The following EIF2AK3 variants were observed in gnomAD, a reference collection of about 807,000 sequenced individuals.
The protein encoded by EIF2AK3 is eukaryotic translation initiation factor 2-alpha kinase 3.
A neutral mutation model predicts 113.5 loss-of-function variants in EIF2AK3; 50 were observed. The ratio of observed to expected loss-of-function variants is 0.44; its 90% confidence interval spans 0.35 to 0.56. The LOEUF (loss-of-function observed/expected upper bound fraction) is 0.56, where lower values mean the gene tolerates loss of function less well. EIF2AK3 is among the 20% of genes least tolerant of loss of function. EIF2AK3 has a pLI of 0.00. For synonymous variants in EIF2AK3, 448 were observed against 495.4 expected (o/e 0.90, Z 1.27); for missense variants, 1,185 against 1,378.0 (o/e 0.86, Z 2.22).
chr2:88,585,009 A>G (rs1232838576), intron 9 of EIF2AK3, among the ~76,000 whole-genome samples: 1 of 152,098 alleles, frequency 6.6e-6, no homozygotes, highest in Non-Finnish European at 1.5e-5. Context: ...CAGGTATTAG[A>G]GGTTTTTAAG....
At chr2:88,603,289 G>A (rs983836750) in intron 2 of EIF2AK3, among the ~76,000 whole-genome samples, 2 of 152,118 alleles carry the variant, frequency 1.3e-5, no homozygotes, top group East Asian at 1.9e-4. Flanking sequence ...TCTCAAAATC[G>A]CTCTCCACAA....
chr2:88,592,699 G>A (rs1045644026), intron 4 of EIF2AK3, among the ~76,000 whole-genome samples: 2 of 150,514 alleles, frequency 1.3e-5, no homozygotes, highest in Admixed American at 6.7e-5. Context: ...GGAGGCAGCT[G>A]TTGTGGTGAG....
intron 2 of EIF2AK3, among the ~76,000 whole-genome samples, chr2:88,608,672 C>T (rs1333641467): frequency 1.3e-5 from 2 of 148,564 alleles, no homozygotes; most frequent in African/African-American, 4.9e-5. Flanking sequence ...ATCCAGTTCA[C>T]AGCATTTCAA....
chr2:88,577,461 C>CTTT (rs199735400), intron 11 of EIF2AK3, among the ~76,000 whole-genome samples: 1 of 139,450 alleles, frequency 7.2e-6, no homozygotes, highest in Non-Finnish European at 1.6e-5. Flanking sequence ...TACAAGCTAT[C>CTTT]TTTTTTTTTT....
intron 14 of EIF2AK3, among the ~76,000 whole-genome samples, chr2:88,565,503 A>G (rs1190998630): frequency 1.3e-5 from 2 of 151,724 alleles, no homozygotes; most frequent in Non-Finnish European, 2.9e-5. Context: ...CACCATGCCC[A>G]GCTAATTTTT....
intron 8 of EIF2AK3, 61 bp downstream of exon 8, chr2:88,587,921 T>A: frequency 8.4e-7 from 1 of 1,189,764 alleles, no homozygotes; most frequent in Non-Finnish European, 1.2e-6. Flanking sequence ...TTTTCTTCAT[T>A]TGAATTCTAT....
At chr2:88,584,323 C>G (rs374329406) in intron 9 of EIF2AK3, among the ~76,000 whole-genome samples, 39 of 152,044 alleles carry the variant, frequency 2.6e-4, no homozygotes, top group African/African-American at 8.9e-4. Context: ...TCCAGACCAG[C>G]CTGACCAACA....
chr2:88,587,243 G>C (rs1573402892), intron 8 of EIF2AK3, among the ~76,000 whole-genome samples: 2 of 144,370 alleles, frequency 1.4e-5, no homozygotes, highest in African/African-American at 5.1e-5. Flanking sequence ...GATAAAGGCT[G>C]CTGTTTCTAG....
At chr2:88,602,751 T>C (rs1256493205) in intron 2 of EIF2AK3, among the ~76,000 whole-genome samples, 1 of 151,534 alleles carries the variant, frequency 6.6e-6, no homozygotes, top group Non-Finnish European at 1.5e-5. Context: ...AGTTGAACAA[T>C]GAGATCACAT....
intron 13 of EIF2AK3, 88 bp downstream of exon 13, chr2:88,574,576 CTT>C: frequency 6.7e-7 from 1 of 1,498,002 alleles, no homozygotes; most frequent in Non-Finnish European, 9.1e-7. Flanking sequence ...CTCCCCAACT[CTT>C]AAGGATCCTT....
chr2:88,592,189 T>A (rs1674903331), intron 4 of EIF2AK3, among the ~76,000 whole-genome samples: 1 of 152,192 alleles, frequency 6.6e-6, no homozygotes, highest in African/African-American at 2.4e-5. Context: ...GTATCTAATC[T>A]AGGTATCACA....
chr2:88,574,816 C>A lies in EIF2AK3; in HGVS notation c.2667G>T (p.Gln889His), dbSNP rs1387341784. 6.2e-7 allele frequency: 1 copy of A among 1,614,072 alleles called. No individual in the cohort carries two copies. Among genetic ancestry groups the A allele is most frequent in the Non-Finnish European group, 8.5e-7 (1 of 1,180,038 alleles). ...CTTTGAGGTTTTCTTTTCTGCACAG[C>A]TGCATTTGAATGTAAAGATACACCT... Reference protein sequence around the residue: ...SPKVYLYIQMQLCRKENLKDW... With the variant: ...SPKVYLYIQMHLCRKENLKDW... Residue 889 changes from glutamine to histidine, a missense_variant, in exon 13 of 17, where the codon CAG becomes CAT. Gln to His is a conservative substitution (Grantham distance 24). Transcript: ENST00000303236.
In EIF2AK3 at chr2:88,591,035, C is replaced by A. The variant is rs1214543954; in HGVS notation, c.785G>T (p.Gly262Val). The A allele has an allele frequency of 6.2e-7, 1 of 1,613,986 alleles. No individual in the cohort carries two copies. The highest frequency in any genetic ancestry group is 1.1e-5 in the South Asian group (1 of 91,074). The change falls in exon 5 of 17, where the codon GGC becomes GTC. Residue 262 changes from glycine to valine, a missense_variant. By Grantham distance (109) the Gly-to-Val change is moderately radical. Coordinates refer to ENST00000303236, the MANE Select transcript of EIF2AK3 (RefSeq NM_004836.7). ...TGGAATATACCGAAGTTCAAAGTGG[C>A]CAACACTGAAATTCCACCTTAAATT... ...SGNEKWNFSV[G>V]HFELRYIPDM...
intron 3 of EIF2AK3, among the ~76,000 whole-genome samples, chr2:88,594,810 G>T (rs1674971689): frequency 7.6e-6 from 1 of 132,304 alleles, no homozygotes; most frequent in Non-Finnish European, 1.6e-5. Flanking sequence ...TCTTTATAAG[G>T]TTCTTCATCT....
intron 10 of EIF2AK3, among the ~76,000 whole-genome samples, chr2:88,582,205 G>T (rs761880991): frequency 2.0e-5 from 3 of 152,188 alleles, no homozygotes; most frequent in Non-Finnish European, 4.4e-5. Flanking sequence ...AAAGAAGACA[G>T]CTACTGTGCT....
intron 1 of EIF2AK3, among the ~76,000 whole-genome samples, chr2:88,619,687 C>T (rs1675671096): frequency 6.6e-6 from 1 of 152,208 alleles, no homozygotes; most frequent in African/African-American, 2.4e-5. Context: ...GGCACGGTGA[C>T]TCACCCCTGT....
chr2:88,579,160 C>G (rs1674535866), intron 11 of EIF2AK3, among the ~76,000 whole-genome samples: 1 of 152,050 alleles, frequency 6.6e-6, no homozygotes, highest in African/African-American at 2.4e-5. Context: ...TAGTTATTAC[C>G]AGGTAGAGAC....
chr2:88,586,356 A>T (rs1186655606), intron 8 of EIF2AK3, among the ~76,000 whole-genome samples: 1 of 152,076 alleles, frequency 6.6e-6, no homozygotes, highest in African/African-American at 2.4e-5. Context: ...CAATTCTTTA[A>T]ATATAAGAAT....
chr2:88,574,127 C>T (rs1380588401), intron 13 of EIF2AK3, among the ~76,000 whole-genome samples: 5 of 152,102 alleles, frequency 3.3e-5, no homozygotes, highest in South Asian at 2.1e-4. Context: ...TTTCCCCATT[C>T]GGCTTCTTAC....
Sources: gnomAD v4.1 joint callset for allele counts (sites outside exome capture counted in the v4.1 genomes callset) on GRCh38, gnomAD v4.1.1 for gene constraint, MANE v1.5 for transcripts, NCBI Gene and HGNC (gene_info 2026-07-23, HGNC 2026-07-21) for gene names.